DLGAP1: variants seen among roughly 807,000 people sequenced by gnomAD.
DLGAP1 encodes disks large-associated protein 1.
A neutral mutation model predicts 90.8 loss-of-function variants in DLGAP1; 11 were observed. The observed-to-expected ratio is 0.12, with a 90% CI of 0.08 to 0.20. DLGAP1 has a LOEUF of 0.20. DLGAP1 is among the 10% of genes least tolerant of loss of function. The pLI, the probability that DLGAP1 is intolerant of heterozygous loss-of-function variation, is 1.00. For synonymous variants in DLGAP1, 558 were observed against 540.7 expected, an observed-to-expected ratio of 1.03 and a Z score of -0.44; for missense variants, 1,050 against 1,333.8, an observed-to-expected ratio of 0.79 and a Z score of 3.31.
chr18:4,234,465 A>G (rs1053468114), intron 1 of DLGAP1, among the ~76,000 whole-genome samples: 15 of 152,158 alleles, frequency 9.9e-5, no homozygotes, highest in African/African-American at 3.6e-4. Flanking sequence ...GTTCTTAGTT[A>G]TGCACCCAGC....
At chr18:3,790,465 T>G (rs1277437838) in intron 5 of DLGAP1, among the ~76,000 whole-genome samples, 2 of 151,648 alleles carry the variant, frequency 1.3e-5, no homozygotes, top group African/African-American at 4.9e-5. Flanking sequence ...GATGGGGTCT[T>G]GCTATGTTGC....
intron 7 of DLGAP1, among the ~76,000 whole-genome samples, chr18:3,586,346 A>G (rs2055884995): frequency 6.6e-6 from 1 of 152,134 alleles, no homozygotes; most frequent in African/African-American, 2.4e-5. Context: ...GGCATTACTC[A>G]TTATTATGAG....
chr18:3,630,191 C>T (rs993670843), intron 7 of DLGAP1, among the ~76,000 whole-genome samples: 1 of 152,118 alleles, frequency 6.6e-6, no homozygotes, highest in Non-Finnish European at 1.5e-5. Context: ...GTGGTTGGGC[C>T]TCATTCAATC....
chr18:3,642,181 T>C (rs2058966100), intron 7 of DLGAP1, among the ~76,000 whole-genome samples: 1 of 152,224 alleles, frequency 6.6e-6, no homozygotes, highest in Non-Finnish European at 1.5e-5. Context: ...GTACTGCAGG[T>C]TGACTATCCC....
At chr18:3,960,116 A>C (rs2073168112) in intron 3 of DLGAP1, among the ~76,000 whole-genome samples, 1 of 152,026 alleles carries the variant, frequency 6.6e-6, no homozygotes, top group South Asian at 2.1e-4. Flanking sequence ...CATGCACAGC[A>C]CTCCCTTGAA....
At chr18:4,149,501 A>C (rs1440022647) in intron 2 of DLGAP1, among the ~76,000 whole-genome samples, 2 of 152,166 alleles carry the variant, frequency 1.3e-5, no homozygotes, top group Admixed American at 6.5e-5. Context: ...TTGGATGTCA[A>C]CCACAGCTGC....
chr18:4,204,560 A>G (rs2077682216), intron 1 of DLGAP1, among the ~76,000 whole-genome samples: 1 of 151,924 alleles, frequency 6.6e-6, no homozygotes, highest in South Asian at 2.1e-4. Context: ...CACATTAAAA[A>G]CACCCTCCCT....
intron 7 of DLGAP1, among the ~76,000 whole-genome samples, chr18:3,604,687 C>T (rs1373892782): frequency 1.3e-5 from 2 of 152,158 alleles, no homozygotes; most frequent in Non-Finnish European, 2.9e-5. Flanking sequence ...CTTTCTGCTT[C>T]CCTAGATCCT....
chr18:4,089,229 G>C (rs186255388), intron 2 of DLGAP1, among the ~76,000 whole-genome samples: 10 of 152,150 alleles, frequency 6.6e-5, no homozygotes, highest in Non-Finnish European at 1.5e-4. Flanking sequence ...AAAATACCTA[G>C]GAATACAACT....
chr18:3,778,355 C>G (rs916943156), intron 5 of DLGAP1, among the ~76,000 whole-genome samples: 3 of 151,976 alleles, frequency 2.0e-5, no homozygotes, highest in Non-Finnish European at 4.4e-5. Flanking sequence ...GCAGGAGAAT[C>G]GCTTGAACCC....
intron 7 of DLGAP1, among the ~76,000 whole-genome samples, chr18:3,701,171 C>T (rs2061267667): frequency 1.3e-5 from 2 of 152,186 alleles, no homozygotes; most frequent in Non-Finnish European, 2.9e-5. Context: ...TGACCCACAG[C>T]ACCTGGCCTG....
chr18:3,557,856 G>T (rs1341644846), intron 9 of DLGAP1, among the ~76,000 whole-genome samples: 1 of 152,012 alleles, frequency 6.6e-6, no homozygotes, highest in African/African-American at 2.4e-5. Context: ...GAACCCAGGA[G>T]GCAGAGGTTG....
chr18:3,811,787 A>G (rs573292331), intron 5 of DLGAP1, among the ~76,000 whole-genome samples: 1 of 152,198 alleles, frequency 6.6e-6, no homozygotes, highest in Admixed American at 6.5e-5. Context: ...AGAAAGAAAG[A>G]GTTTCAATGA....
chr18:4,407,758 C>T (rs1395166974), intron 1 of DLGAP1, among the ~76,000 whole-genome samples: 1 of 152,004 alleles, frequency 6.6e-6, no homozygotes, highest in African/African-American at 2.4e-5. Flanking sequence ...TGGCATGTGT[C>T]TGTAATCCCA....
chr18:4,230,963 A>G (rs968516697), intron 1 of DLGAP1, among the ~76,000 whole-genome samples: 3 of 151,832 alleles, frequency 2.0e-5, no homozygotes, highest in Non-Finnish European at 4.4e-5. Context: ...AAAACCTAAA[A>G]AGCAGCGCTG....
At chr18:3,811,216 C>T (rs967202902) in intron 5 of DLGAP1, among the ~76,000 whole-genome samples, 7 of 152,048 alleles carry the variant, frequency 4.6e-5, no homozygotes, top group African/African-American at 7.2e-5. Flanking sequence ...GAGTGTGAAA[C>T]GAATGGAGGT....
chr18:3,502,474 A>G lies in DLGAP1; in HGVS notation c.2724+19T>C, dbSNP rs1252592886. 4 of 1,613,864 alleles carry G rather than the reference A, an allele frequency of 2.5e-6. No individual in the cohort carries two copies. Among genetic ancestry groups the G allele is most frequent in the Non-Finnish European group, 3.4e-6 (4 of 1,180,024 alleles). ...GTGCAGGTTTTTAAATGAACCATAC[A>G]AAATCTACATTGTTCTACCTTCTTG... On this transcript the variant is annotated intron_variant, in intron 12 of 12. Transcript: ENST00000315677.
At chr18:4,350,417 G>A (rs899587394) in intron 1 of DLGAP1, among the ~76,000 whole-genome samples, 2 of 152,088 alleles carry the variant, frequency 1.3e-5, no homozygotes, top group African/African-American at 2.4e-5. Context: ...ATATGAAGGT[G>A]CTAATGCAAA....
intron 1 of DLGAP1, among the ~76,000 whole-genome samples, chr18:4,281,653 C>T (rs1258607915): frequency 6.6e-6 from 1 of 152,072 alleles, no homozygotes; most frequent in Non-Finnish European, 1.5e-5. Flanking sequence ...TATTGTTTCC[C>T]ACAACACCAA....
Sources: allele counts gnomAD v4.1 joint callset (sites outside exome capture counted in the v4.1 genomes callset), GRCh38; gene constraint gnomAD v4.1.1; transcripts MANE v1.5; gene names NCBI Gene and HGNC (gene_info 2026-07-23, HGNC 2026-07-21).